Variants in HYDIN observed in about 807,000 individuals in gnomAD.
The protein encoded by HYDIN is HYDIN axonemal central pair apparatus protein.
In HYDIN, 132 loss-of-function variants were observed where a neutral mutation model predicts 403.9. The observed-to-expected ratio is 0.33, with a 90% CI of 0.28 to 0.38. The LOEUF (loss-of-function observed/expected upper bound fraction) is 0.38, where lower values mean the gene tolerates loss of function less well. Among genes scored for constraint, HYDIN ranks in the 10% least tolerant of loss-of-function variants. The pLI is 1.00. For missense variants in HYDIN, 2,827 were observed against 5,009.5 expected (o/e 0.56, Z 13.15); for synonymous variants, 1,202 against 1,891.7 (o/e 0.64, Z 9.46).
chr16:70,883,531 G>C (rs1180316732), intron 59 of HYDIN, among the ~76,000 whole-genome samples: 2 of 152,126 alleles, frequency 1.3e-5, no homozygotes. Context: ...ATGTCTGCCA[G>C]AAATCTTTGG....
intron 25 of HYDIN, among the ~76,000 whole-genome samples, chr16:70,990,260 T>C (rs550126774): frequency 1.0e-3 from 151 of 148,226 alleles, no homozygotes; most frequent in Middle Eastern, 3.5e-3. Flanking sequence ...CCGGGCATGA[T>C]GGCAAGTGCC....
chr16:71,196,678 T>C (rs902684402), intron 1 of HYDIN, among the ~76,000 whole-genome samples: 8 of 152,164 alleles, frequency 5.3e-5, no homozygotes, highest in Admixed American at 6.5e-5. Context: ...CAGGACGAGA[T>C]AGAAGGTCAG....
At chr16:70,933,129 T>C (rs2077397697) in intron 45 of HYDIN, among the ~76,000 whole-genome samples, 1 of 151,866 alleles carries the variant, frequency 6.6e-6, no homozygotes, top group East Asian at 1.9e-4. Flanking sequence ...AATTACCATG[T>C]AGCTACACAG....
intron 73 of HYDIN, among the ~76,000 whole-genome samples, chr16:70,854,006 A>C (rs2038849245): frequency 6.7e-6 from 1 of 149,668 alleles, no homozygotes; most frequent in African/African-American, 2.5e-5. Flanking sequence ...CAGCCTCCCA[A>C]GTAGCTGGGA....
At position 70,811,928 on chromosome 16, in the gene HYDIN, G is replaced by A. The variant is rs1313761130; in HGVS notation, c.14659-1921C>T. On this transcript the variant is annotated intron_variant, in intron 84 of 85. Coordinates refer to ENST00000393567, the MANE Select transcript of HYDIN (RefSeq NM_001270974.2). Reference sequence around the variant, plus strand: ...TAGTTCTATTAATATAACCACTAGAGAAATGTAATCAATAGTAAAAAAAAT... The same window carrying A: ...TAGTTCTATTAATATAACCACTAGAAAAATGTAATCAATAGTAAAAAAAAT... 1.1e-3 allele frequency among the ~76,000 whole-genome samples: 111 copies of A among 103,690 alleles called. 1 individual carries two copies. Among genetic ancestry groups the A allele is most frequent in the Middle Eastern group, 4.6e-3 (1 of 218 alleles). 68.0% of individuals were successfully genotyped at this position (103,690 alleles called of 152,430 possible).
intron 75 of HYDIN, among the ~76,000 whole-genome samples, chr16:70,847,559 G>A (rs1488463632): frequency 6.6e-6 from 1 of 151,722 alleles, no homozygotes; most frequent in African/African-American, 2.4e-5. Flanking sequence ...CCCCAAAATC[G>A]GCAGAATAAT....
At chr16:70,898,916 G>T (rs1460424529) in intron 53 of HYDIN, among the ~76,000 whole-genome samples, 1 of 151,944 alleles carries the variant, frequency 6.6e-6, no homozygotes, top group Non-Finnish European at 1.5e-5. Context: ...GCTAATTTTT[G>T]TAATTTGTAA....
chr16:71,136,509 A>G (rs1022589108), intron 8 of HYDIN, among the ~76,000 whole-genome samples: 5 of 151,418 alleles, frequency 3.3e-5, no homozygotes, highest in Non-Finnish European at 5.9e-5. Context: ...TCACGCTTGT[A>G]ATCCCAACAC....
Position 71,031,875 on chromosome 16 carries a change from T to C in HYDIN, c.2572A>G (p.Met858Val), listed in dbSNP as rs1331759514. The C allele has an allele frequency of 1.7e-6, 2 of 1,189,668 alleles. No individual in the cohort carries two copies. The highest frequency in any genetic ancestry group is 2.5e-6 in the Non-Finnish European group (2 of 815,724). The allele number at this position is 1,189,668 out of a possible 1,614,324, so 73.7% of individuals were successfully genotyped here. The change falls in exon 19 of 86, where the codon ATG becomes GTG. Residue 858 changes from methionine (M) to valine (V), a missense_variant. By Grantham distance (21) the Met-to-Val change is conservative. Coordinates refer to ENST00000393567, the MANE Select transcript of HYDIN (RefSeq NM_001270974.2). ...TGAACATCAGTTTCTGGAGGAACCA[T>C]GCCTTCATTGGGTTCAATCGTCCAA... ...SLWTIEPNEGMVPPETDVQLA... is the reference protein window; with the variant it reads ...SLWTIEPNEGVVPPETDVQLA...
At chr16:70,905,014 G>A (rs1189013185) in intron 50 of HYDIN, among the ~76,000 whole-genome samples, 9 of 152,174 alleles carry the variant, frequency 5.9e-5, no homozygotes, top group Admixed American at 5.9e-4. Context: ...TAGTAACTGA[G>A]CGAAGCAAAC....
At chr16:70,875,989 C>T (rs532090619) in intron 62 of HYDIN, among the ~76,000 whole-genome samples, 8 of 152,200 alleles carry the variant, frequency 5.3e-5, no homozygotes, top group Middle Eastern at 3.4e-3. Flanking sequence ...AAGGCAACAA[C>T]AATTGCTAGA....
At chr16:71,166,899 A>C (rs1597928377) in intron 5 of HYDIN, among the ~76,000 whole-genome samples, 2 of 151,516 alleles carry the variant, frequency 1.3e-5, no homozygotes, top group East Asian at 2.0e-4. Flanking sequence ...ACATGGCAAA[A>C]CCCAGCCTCT....
At chr16:71,181,857 A>G (rs922788294) in intron 3 of HYDIN, among the ~76,000 whole-genome samples, 3 of 152,168 alleles carry the variant, frequency 2.0e-5, no homozygotes, top group African/African-American at 7.2e-5. Context: ...CGATCATACA[A>G]AAAATATAGA....
At chr16:70,900,748 CATTT>C (rs1265448124) in intron 53 of HYDIN, among the ~76,000 whole-genome samples, 5 of 149,928 alleles carry the variant, frequency 3.3e-5, no homozygotes, top group African/African-American at 5.0e-5. Context: ...TTCATTCATT[CATTT>C]ATTTGTTCCT....
At chr16:71,203,684 T>A (rs1895528) in intron 1 of HYDIN, 1 of 453,494 alleles carries the variant, frequency 2.2e-6, no homozygotes, top group Non-Finnish European at 4.4e-6. Flanking sequence ...CAAATTATTC[T>A]ATTCTTATGA....
chr16:71,152,380 G>GT (rs1477879907), intron 7 of HYDIN, among the ~76,000 whole-genome samples: 1 of 150,950 alleles, frequency 6.6e-6, no homozygotes, highest in Admixed American at 6.6e-5. Context: ...AATTTCAGTG[G>GT]TTTTTTGGAG....
intron 9 of HYDIN, 88 bp from the exon 10 acceptor site, chr16:71,115,883 T>A: frequency 2.5e-6 from 2 of 807,962 alleles, no homozygotes; most frequent in Middle Eastern, 2.6e-4. Context: ...CTCCAATAAA[T>A]TTTTTTTTCA....
intron 45 of HYDIN, among the ~76,000 whole-genome samples, chr16:70,921,696 C>T (rs2143817217): frequency 6.6e-6 from 1 of 152,242 alleles, no homozygotes; most frequent in East Asian, 1.9e-4. Context: ...ATACCTACTC[C>T]AGAGGACTCC....
intron 30 of HYDIN, among the ~76,000 whole-genome samples, chr16:70,978,034 G>A (rs2078936853): frequency 6.6e-6 from 1 of 151,998 alleles, no homozygotes. Context: ...GTGCCCAGCA[G>A]TGGCTCCGGT....
Sources: gnomAD v4.1 joint callset for allele counts (sites outside exome capture counted in the v4.1 genomes callset) on GRCh38, gnomAD v4.1.1 for gene constraint, MANE v1.5 for transcripts, NCBI Gene and HGNC (gene_info 2026-07-23, HGNC 2026-07-21) for gene names.